Variants in RPL24 observed in about 807,000 individuals in gnomAD.
RPL24 encodes ribosomal protein L24, also known as large ribosomal subunit protein eL24.
A neutral mutation model predicts 26.4 loss-of-function variants in RPL24; 7 were observed. That is an observed-to-expected ratio of 0.27 (90% confidence interval 0.15 to 0.50). The LOEUF (loss-of-function observed/expected upper bound fraction) is 0.50. RPL24 is among the 20% of genes least tolerant of loss of function. The pLI is 0.98. For synonymous variants in RPL24, 67 were observed against 65.2 expected (o/e 1.03, Z -0.13); for missense variants, 109 against 194.9 (o/e 0.56, Z 2.62).
At position 101,683,052 on chromosome 3, in the gene RPL24, C is replaced by T. The variant is rs180979200; in HGVS notation, c.193-145G>A. 2.8e-5 allele frequency: 23 copies of T among 811,010 alleles called. No homozygotes were observed. In the East Asian group the frequency reaches 5.5e-4, roughly 19 times the overall value. The allele number at this position is 811,010 out of a possible 1,614,324, so 50.2% of individuals were successfully genotyped here. On this transcript the variant is annotated intron_variant, in intron 3 of 5. Transcript: ENST00000394077. ...AATAATTCATATATTTGAAATAAAA[C>T]ATGTTTTCCCTTATGGATTAAGCCC...
intron 2 of RPL24, chr3:101,686,160 G>C (rs1278649996): frequency 8.6e-6 from 5 of 578,184 alleles, no homozygotes; most frequent in Non-Finnish European, 1.2e-5. Flanking sequence ...TCATAGCAAA[G>C]GACAGGGTGG....
chr3:101,683,707 CT>C (rs541871888), intron 3 of RPL24, among the ~76,000 whole-genome samples: 778 of 130,830 alleles, frequency 5.9e-3, no homozygotes, highest in African/African-American at 0.013. Context: ...TTTTTCTTTT[CT>C]TTTTTTTTTT....
chr3:101,686,402 T>C, intron 2 of RPL24, 80 bp downstream of exon 2: 1 of 1,282,650 alleles, frequency 7.8e-7, no homozygotes, highest in South Asian at 1.4e-5. Flanking sequence ...ATGTGGGGAA[T>C]AAACCCGCCT....
intron 5 of RPL24, 55 bp from the exon 6 acceptor site, chr3:101,681,270 C>G: frequency 8.5e-7 from 1 of 1,178,010 alleles, no homozygotes. Flanking sequence ...CCTATTATTA[C>G]CCATCTCTCA....
At chr3:101,684,164 T>G (rs1358454631) in intron 3 of RPL24, among the ~76,000 whole-genome samples, 2 of 151,450 alleles carry the variant, frequency 1.3e-5, no homozygotes, top group East Asian at 3.9e-4. Flanking sequence ...AGGCCCATTT[T>G]AACTTTTTTT....
At chr3:101,681,301 C>T (rs1937259432) in intron 5 of RPL24, 86 bp from the exon 6 acceptor site, 1 of 874,288 alleles carries the variant, frequency 1.1e-6, no homozygotes, top group African/African-American at 1.7e-5. Flanking sequence ...GTTTATGTAG[C>T]TTAGATCACT....
Position 101,685,898 on chromosome 3 carries a change from A to G in RPL24, c.112T>C (p.Ser38Pro). The part of the protein sequence containing the change: ...VFQFLNAKCE[S>P]AFLSKRNPRQ... ...GGATTCCTCTTGGAAAGGAAAGCCG[A>G]CTCGCATTTCGCATTAAGAAACTGG... The change falls in exon 3 of 6, where the codon TCG (serine) becomes CCG (proline). Residue 38 changes from serine (S) to proline (P), a missense_variant. Coordinates refer to ENST00000394077, the MANE Select transcript of RPL24 (RefSeq NM_000986.4). 1 of 1,613,926 alleles carries G rather than the reference A, an allele frequency of 6.2e-7. No homozygotes were observed.
At position 101,681,779 on chromosome 3, in the gene RPL24, T is replaced by C. The variant is rs112992459; in HGVS notation, c.394-564A>G. ...TCACTTGAGCCCAGGAGGTTGAGGC[T>C]GCAGCAAGCCGTGATTGTGCCACTG... On this transcript the variant is annotated intron_variant, in intron 5 of 5. Coordinates refer to ENST00000394077, the MANE Select transcript of RPL24 (RefSeq NM_000986.4). The C allele has an allele frequency of 2.4e-3, 368 of 154,896 alleles. 1 individual carries two copies. The highest frequency in any genetic ancestry group is 8.2e-3 in the African/African-American group (342 of 41,588). 9.6% of individuals were successfully genotyped at this position (154,896 alleles called of 1,614,324 possible).
intron 5 of RPL24, 115 bp from the exon 6 acceptor site, chr3:101,681,330 C>A: frequency 1.4e-6 from 1 of 712,736 alleles, no homozygotes; most frequent in South Asian, 1.6e-5. Flanking sequence ...AATTTAACTG[C>A]ATTCCTAATG....
intron 3 of RPL24, 64 bp downstream of exon 3, chr3:101,685,754 C>A: frequency 1.1e-6 from 1 of 906,022 alleles, no homozygotes; most frequent in South Asian, 1.5e-5. Context: ...AGCAGAAAAC[C>A]AACGTTCAGA....
intron 5 of RPL24, chr3:101,681,600 C>T (rs1176977631): frequency 6.0e-6 from 1 of 166,918 alleles, no homozygotes; most frequent in Non-Finnish European, 1.3e-5. Flanking sequence ...CATCCCAACA[C>T]TTCGGGGTGC....
In RPL24 at chr3:101,682,851, A is replaced by G. The variant is rs754103796; in HGVS notation, c.249T>C (p.Thr83=). 35 of 1,613,726 alleles carry G rather than the reference A, an allele frequency of 2.2e-5. No homozygotes were observed. The highest frequency in any genetic ancestry group is 3.0e-5 in the Non-Finnish European group (35 of 1,179,848). Residue 83 remains threonine, a synonymous_variant, in exon 4 of 6, where the codon ACT becomes ACC. Transcript: ENST00000394077. ...CCATTATATCAGCAAGAGATGCACC[A>G]GTAATGGCCCTCTGGAATTTGACTG... The part of the protein sequence containing the change: ...RRAVKFQRAI[T]GASLADIMAK...
At position 101,682,073 on chromosome 3, in the gene RPL24, C is replaced by T. The variant is rs543051899; in HGVS notation, c.393+356G>A. On this transcript the variant is annotated intron_variant, in intron 5 of 5. Transcript: ENST00000394077. ...TTAGACTGAAAATAAATTTTCCAGC[C>T]GGGCTCAGTGGCTCACACTTGTAAC... 33 of 191,386 alleles carry T rather than the reference C, an allele frequency of 1.7e-4. 1 individual carries two copies. Among genetic ancestry groups the T allele is most frequent in the African/African-American group, 6.1e-4 (26 of 42,778 alleles). The allele number at this position is 191,386 out of a possible 1,614,324, so 11.9% of individuals were successfully genotyped here.
chr3:101,681,233 A>G lies in RPL24; in HGVS notation c.394-18T>C. ...GTAGGTGCCTGTAAAAAGATAACAC[A>G]ATATTACTCCACAAAACTTTTGTTA... is the stretch of plus-strand genomic sequence containing the variant. On this transcript the variant is annotated intron_variant, in intron 5 of 5. Coordinates refer to ENST00000394077, the MANE Select transcript of RPL24 (RefSeq NM_000986.4). The G allele has an allele frequency of 6.3e-6, 10 of 1,580,870 alleles. No homozygotes were observed. The highest frequency in any genetic ancestry group is 8.7e-6 in the Non-Finnish European group (10 of 1,150,142).
rs777076660 is a variant in RPL24 at position 101,685,851 on chromosome 3, G to A, written c.159C>T (p.Val53=). The A allele has an allele frequency of 4.3e-6, 7 of 1,613,094 alleles. No homozygotes were observed. The highest frequency in any genetic ancestry group is 4.0e-5 in the African/African-American group (3 of 74,902). Residue 53 remains valine, a synonymous_variant, in exon 3 of 6, where the codon GTC becomes GTT. Transcript: ENST00000394077. The part of the protein sequence containing the change: ...KRNPRQINWT[V]LYRRKHKKGQ... Reference sequence around the variant, plus strand: ...CCTTTTTGTGCTTCCTTCTGTAGAGGACAGTCCAGTTTATCTGCCGAGGAT... The same window carrying A: ...CCTTTTTGTGCTTCCTTCTGTAGAGAACAGTCCAGTTTATCTGCCGAGGAT...
At chr3:101,683,064 TATGG>T (rs1937282547) in intron 3 of RPL24, among the ~76,000 whole-genome samples, 157 bp from the exon 4 acceptor site, 1 of 152,236 alleles carries the variant, frequency 6.6e-6, no homozygotes, top group Non-Finnish European at 1.5e-5. Flanking sequence ...TGTTTTCCCT[TATGG>T]ATTAAGCCCT....
chr3:101,684,877 CTT>C (rs55805152), intron 3 of RPL24, among the ~76,000 whole-genome samples: 1 of 133,836 alleles, frequency 7.5e-6, no homozygotes, highest in Non-Finnish European at 1.6e-5. Context: ...ATCTAAATAA[CTT>C]TTTTTTTTTT....
At chr3:101,686,388 G>A (rs1445644697) in intron 2 of RPL24, 94 bp downstream of exon 2, 1 of 1,018,542 alleles carries the variant, frequency 9.8e-7, no homozygotes, top group Non-Finnish European at 1.5e-6. Flanking sequence ...AGAGGCCAGT[G>A]GTGATGTGGG....
chr3:101,686,123 CTT>C, intron 2 of RPL24, 195 bp from the exon 3 acceptor site: 1 of 578,960 alleles, frequency 1.7e-6, no homozygotes, highest in Non-Finnish European at 3.1e-6. Flanking sequence ...TGCGTTTAGT[CTT>C]TTCTCGAGAG....
Sources: gnomAD v4.1 joint callset for allele counts (sites outside exome capture counted in the v4.1 genomes callset) on GRCh38, gnomAD v4.1.1 for gene constraint, MANE v1.5 for transcripts, NCBI Gene and HGNC (gene_info 2026-07-23, HGNC 2026-07-21) for gene names.